LIPA: variants seen among roughly 807,000 people sequenced by gnomAD.
LIPA encodes lysosomal acid lipase/cholesteryl ester hydrolase.
A neutral mutation model predicts 40.6 loss-of-function variants in LIPA; 26 were observed. The ratio of observed to expected loss-of-function variants is 0.64; its 90% CI spans 0.47 to 0.89. The LOEUF (loss-of-function observed/expected upper bound fraction) is 0.89. Ranked by LOEUF, LIPA falls within the 40% of genes least tolerant of loss-of-function variation. The pLI, the probability that LIPA is intolerant of heterozygous loss-of-function variation, is 0.00. For missense variants in LIPA, 455 were observed against 479.6 expected (o/e 0.95, Z 0.48); for synonymous variants, 188 against 168.4 (o/e 1.12, Z -0.90).
intron 3 of LIPA, 69 bp downstream of exon 3, chr10:89,245,607 A>C (rs529585799): frequency 5.2e-5 from 43 of 820,734 alleles, no homozygotes; most frequent in South Asian, 5.0e-4. Flanking sequence ...TTTAAGTTAA[A>C]TCTGAACTTG....
At chr10:89,236,415 G>A (rs997817023) in intron 3 of LIPA, among the ~76,000 whole-genome samples, 1 of 152,158 alleles carries the variant, frequency 6.6e-6, no homozygotes, top group Non-Finnish European at 1.5e-5. Flanking sequence ...ATTGCACATT[G>A]CAGTAAAAAG....
intron 1 of LIPA, among the ~76,000 whole-genome samples, chr10:89,300,315 G>A (rs564213533): frequency 4.6e-5 from 7 of 152,214 alleles, no homozygotes; most frequent in Non-Finnish European, 7.4e-5. Flanking sequence ...CAAACATGCC[G>A]TTAAATAAAA....
intron 2 of LIPA, chr10:89,362,778 G>T: frequency 3.0e-6 from 2 of 668,458 alleles, no homozygotes; most frequent in South Asian, 6.0e-5. Flanking sequence ...AAAGAATTAT[G>T]AACAGGCCAA....
chr10:89,330,627 A>T (rs745369326), intron 1 of LIPA, among the ~76,000 whole-genome samples: 17 of 152,198 alleles, frequency 1.1e-4, no homozygotes, highest in Non-Finnish European at 1.8e-4. Context: ...GGGAAAAGGA[A>T]ATTCATCCTA....
chr10:89,337,606 C>G lies in LIPA; in HGVS notation c.-2+5005G>C, dbSNP rs191256615. Among the ~76,000 whole-genome samples the G allele has an allele frequency of 2.1e-3, 323 of 152,202 alleles. 13 individuals carry two copies. The South Asian group carries it at 0.062, about 29-fold the overall frequency. On this transcript the variant is annotated intron_variant, in intron 1 of 5. Transcript: ENST00000282673. ...GTAGAGGCAGGCTTTCGCCATGTTG[C>G]CCAGGCTGGTCTTGAATCCTGGGCT...
At chr10:89,384,331 G>C (rs764591858) in intron 2 of LIPA, 2 of 1,614,210 alleles carry the variant, frequency 1.2e-6, no homozygotes, top group South Asian at 2.2e-5. Context: ...GCGAACATTT[G>C]AGATGGCCTA....
chr10:89,323,031 C>T (rs549024660), intron 1 of LIPA, among the ~76,000 whole-genome samples: 1 of 152,312 alleles, frequency 6.6e-6, no homozygotes, highest in South Asian at 2.1e-4. Context: ...ACCCTGGCCT[C>T]TTGTAGCCAG....
chr10:89,363,681 G>T (rs952587045), intron 2 of LIPA, among the ~76,000 whole-genome samples: 1 of 150,230 alleles, frequency 6.7e-6, no homozygotes, highest in Non-Finnish European at 1.5e-5. Context: ...GGAGGCTGAG[G>T]CAGGAGAATG....
chr10:89,374,511 C>T lies in LIPA; in HGVS notation c.61+38280G>A, dbSNP rs997783621. On this transcript the variant is annotated intron_variant, in intron 2 of 8. Transcript: ENST00000371837. The stretch of plus-strand genomic sequence containing the variant: ...CCAGGACTGCTGCCAAATTCAGTGA[C>T]CACATGACAAACACTCACTCTGTTT... Among the ~76,000 whole-genome samples, 5 of 152,330 alleles carry T rather than the reference C, an allele frequency of 3.3e-5. No homozygotes were observed. The East Asian group carries it at 9.6e-4, about 29-fold the overall frequency.
At chr10:89,317,927 A>C (rs1564784767) in intron 1 of LIPA, among the ~76,000 whole-genome samples, 1 of 152,210 alleles carries the variant, frequency 6.6e-6, no homozygotes, top group Non-Finnish European at 1.5e-5. Flanking sequence ...ATTCTTAAAG[A>C]GAAGAATTTT....
chr10:89,367,838 A>T (rs143060464), intron 2 of LIPA, among the ~76,000 whole-genome samples: 5 of 151,768 alleles, frequency 3.3e-5, no homozygotes, highest in African/African-American at 1.2e-4. Flanking sequence ...TTTTTTCCAG[A>T]GACAGGGCCT....
chr10:89,411,107 G>C (rs1421738664), intron 2 of LIPA, among the ~76,000 whole-genome samples: 1 of 152,226 alleles, frequency 6.6e-6, no homozygotes, highest in Admixed American at 6.5e-5. Flanking sequence ...GTAAACAAGG[G>C]CGTAGCCTGA....
chr10:89,364,060 G>A (rs1370880146), intron 2 of LIPA, among the ~76,000 whole-genome samples: 1 of 152,140 alleles, frequency 6.6e-6, no homozygotes, highest in Non-Finnish European at 1.5e-5. Context: ...CTAAATATCA[G>A]ATAAATCTTC....
At chr10:89,235,077 T>C (rs1479498384) in intron 3 of LIPA, among the ~76,000 whole-genome samples, 1 of 152,266 alleles carries the variant, frequency 6.6e-6, no homozygotes, top group Admixed American at 6.5e-5. Context: ...GCCTTCCGGC[T>C]GAAGGCAGAA....
rs117869304 is a variant in LIPA at position 89,242,563 on chromosome 10, C to T, written c.229+3113G>A. ...CCAAGCCCTGTGTTCATAAAAAAAACCTGATCTCCAAGTGAGGCTACACAG... is the reference window on the plus strand; with the variant it reads ...CCAAGCCCTGTGTTCATAAAAAAAATCTGATCTCCAAGTGAGGCTACACAG... On this transcript the variant is annotated intron_variant, in intron 3 of 9. Transcript: ENST00000336233. 2.3e-3 allele frequency among the ~76,000 whole-genome samples: 350 copies of T among 152,266 alleles called. 3 individuals carry two copies. The Middle Eastern group carries it at 0.034, about 15-fold the overall frequency.
In LIPA at chr10:89,244,354, G is replaced by C. The variant is rs1002721510; in HGVS notation, c.229+1322C>G. 1.2e-4 allele frequency among the ~76,000 whole-genome samples: 18 copies of C among 152,272 alleles called. 1 individual carries two copies. The highest frequency in any genetic ancestry group is 4.1e-4 in the African/African-American group (17 of 41,550). ...TTGCTTTGAATAACAATTTGGGCAG[G>C]AATTGAGGCAAAGGTGGCTCTTTTG... On this transcript the variant is annotated intron_variant, in intron 3 of 9. Transcript: ENST00000336233.
At chr10:89,257,506 C>T (rs183230884) in intron 1 of LIPA, among the ~76,000 whole-genome samples, 8 of 152,310 alleles carry the variant, frequency 5.3e-5, no homozygotes, top group Non-Finnish European at 7.3e-5. Flanking sequence ...ACCTGGTTTA[C>T]TCTCCTACTT....
chr10:89,392,770 G>C, intron 2 of LIPA: 3 of 1,578,334 alleles, frequency 1.9e-6, no homozygotes, highest in South Asian at 1.1e-5. Context: ...TGAAAAAATG[G>C]TAATTAAATA....
chr10:89,334,297 G>A (rs1843694971), intron 1 of LIPA, among the ~76,000 whole-genome samples: 1 of 151,800 alleles, frequency 6.6e-6, no homozygotes, highest in Non-Finnish European at 1.5e-5. Context: ...AGCTTTAACT[G>A]CTTTAGTAAG....
Sources: gnomAD v4.1 joint callset for allele counts (sites outside exome capture counted in the v4.1 genomes callset) on GRCh38, gnomAD v4.1.1 for gene constraint, MANE v1.5 for transcripts, NCBI Gene and HGNC (gene_info 2026-07-23, HGNC 2026-07-21) for gene names.